Variants in USP7 observed in about 807,000 individuals in gnomAD.
USP7 encodes ubiquitin specific peptidase 7, also known as ubiquitin C-terminal hydrolase 7.
A neutral mutation model predicts 162.9 loss-of-function variants in USP7; 9 were observed. The observed-to-expected ratio is 0.06, with a 90% CI of 0.03 to 0.10. The LOEUF (loss-of-function observed/expected upper bound fraction) is 0.10, where lower values mean the gene tolerates loss of function less well. USP7 is among the 10% of genes least tolerant of loss of function. The pLI is 1.00. For missense variants in USP7, 715 were observed against 1,373.7 expected, an observed-to-expected ratio of 0.52 and a Z score of 7.58; for synonymous variants, 562 against 475.9, an observed-to-expected ratio of 1.18 and a Z score of -2.35.
chr16:8,946,888 A>T (rs976386793), intron 1 of USP7, among the ~76,000 whole-genome samples: 64 of 152,386 alleles, frequency 4.2e-4, no homozygotes, highest in African/African-American at 1.5e-3. Context: ...ATCAACATTT[A>T]GCAGACCTGT....
chr16:8,925,770 A>C (rs1404137375), intron 2 of USP7, among the ~76,000 whole-genome samples: 1 of 152,212 alleles, frequency 6.6e-6, no homozygotes, highest in Non-Finnish European at 1.5e-5. Context: ...AGACTTATCA[A>C]ATCTGCAAGC....
chr16:8,903,889 GAAAAA>G (rs998396726), intron 15 of USP7, among the ~76,000 whole-genome samples: 2 of 149,578 alleles, frequency 1.3e-5, no homozygotes, highest in Admixed American at 1.3e-4. Flanking sequence ...AAAAGGAAAA[GAAAAA>G]AGAAAAGGAG....
chr16:8,941,679 T>C (rs918512670), intron 1 of USP7, among the ~76,000 whole-genome samples: 1 of 152,090 alleles, frequency 6.6e-6, no homozygotes, highest in Non-Finnish European at 1.5e-5. Context: ...CCAGGCCGTG[T>C]TGGTGTGGTG....
chr16:8,903,001 G>T (rs979548650), intron 16 of USP7, among the ~76,000 whole-genome samples: 1 of 152,234 alleles, frequency 6.6e-6, no homozygotes, highest in East Asian at 1.9e-4. Flanking sequence ...AGAGGGGGTA[G>T]GGGTGCAGGG....
intron 13 of USP7, among the ~76,000 whole-genome samples, 191 bp from the exon 14 acceptor site, chr16:8,905,522 A>C (rs150494889): frequency 7.4e-4 from 112 of 152,370 alleles, no homozygotes; most frequent in Middle Eastern, 6.9e-3. Context: ...GCATCCGCTC[A>C]TACAATTCAC....
At chr16:8,951,883 A>G (rs1381406641) in intron 1 of USP7, among the ~76,000 whole-genome samples, 1 of 152,216 alleles carries the variant, frequency 6.6e-6, no homozygotes, top group Non-Finnish European at 1.5e-5. Context: ...ATCTCTTTTT[A>G]TGCCACCAAA....
chr16:8,904,409 G>C lies in USP7; in HGVS notation c.1704+26C>G, dbSNP rs201458798. Reference sequence around the variant, plus strand: ...TGGGTGCCCGGCTGCATGGTGACCCGGAGTCCCAGAAGGGCGGGGGCTGAC... The same window carrying C: ...TGGGTGCCCGGCTGCATGGTGACCCCGAGTCCCAGAAGGGCGGGGGCTGAC... On this transcript the variant is annotated intron_variant, in intron 15 of 30. Transcript: ENST00000344836. 4.3e-6 allele frequency: 7 copies of C among 1,611,384 alleles called. No individual in the cohort carries two copies. In the African/African-American group the frequency reaches 8.0e-5, roughly 18 times the overall value.
chr16:8,959,372 G>C (rs62031322), intron 1 of USP7, among the ~76,000 whole-genome samples: 1 of 148,924 alleles, frequency 6.7e-6, no homozygotes, highest in Non-Finnish European at 1.5e-5. Flanking sequence ...AAAAAAAAAG[G>C]ATACCTTCTT....
intron 1 of USP7, among the ~76,000 whole-genome samples, chr16:8,953,451 G>T (rs549763293): frequency 1.3e-5 from 2 of 152,182 alleles, no homozygotes; most frequent in Non-Finnish European, 1.5e-5. Context: ...TCTGAGGTAC[G>T]ATCCAAGGGG....
At chr16:8,902,321 T>C in intron 17 of USP7, 60 bp downstream of exon 17, 1 of 1,589,882 alleles carries the variant, frequency 6.3e-7, no homozygotes, top group South Asian at 1.1e-5. Flanking sequence ...CTGCACTAAG[T>C]GCAGAGGACT....
chr16:8,931,847 A>G (rs935077783), intron 1 of USP7, among the ~76,000 whole-genome samples: 6 of 152,208 alleles, frequency 3.9e-5, no homozygotes, highest in Non-Finnish European at 8.8e-5. Context: ...AGAATAGCTC[A>G]CTGCAACTAA....
rs1416581882 is a variant in USP7, at chr16:8,963,846, G to C, written c.-561C>G. Among the ~76,000 whole-genome samples, 1 of 146,758 alleles carries C rather than the reference G, an allele frequency of 6.8e-6. No individual in the cohort carries two copies. The highest frequency in any genetic ancestry group is 1.5e-5 in the Non-Finnish European group (1 of 65,922). ...GCGTCGTCGTCGGGGCTCCGGCAGC[G>C]GACGCGGCGCCCGGCAGCTCGGCTC... is the stretch of plus-strand genomic sequence containing the variant. On this transcript the variant is annotated 5_prime_UTR_variant, in exon 1 of 31. Transcript: ENST00000344836.
At position 8,936,877 on chromosome 16, in the gene USP7, T is replaced by C. The variant is rs1596400778; in HGVS notation, c.80-6480A>G. The C allele has an allele frequency of 6.4e-6, 4 of 627,482 alleles. No individual in the cohort carries two copies. The South Asian group carries it at 1.1e-4, about 18-fold the overall frequency. The allele number at this position is 627,482 out of a possible 1,614,324, so 38.9% of individuals were successfully genotyped here. A position where few individuals can be genotyped will look rare whatever the true frequency, so the allele number is the denominator to read the frequency against. On this transcript the variant is annotated intron_variant, in intron 1 of 30. Transcript: ENST00000344836. ...CTGACTTTGGTTAACAACATACCAA[T>C]GCCAGTTCCTTGGCTGTGACAAATC... is the stretch of plus-strand genomic sequence containing the variant.
chr16:8,918,278 G>A (rs1897488938), intron 6 of USP7, among the ~76,000 whole-genome samples: 1 of 152,176 alleles, frequency 6.6e-6, no homozygotes, highest in South Asian at 2.1e-4. Context: ...ACAACCAGGA[G>A]TGCCGATTTC....
rs190125712 is a variant in USP7, at chr16:8,938,528, C to G, written c.80-8131G>C. 3.3e-5 allele frequency among the ~76,000 whole-genome samples: 5 copies of G among 151,884 alleles called. No homozygotes were observed. The South Asian group carries it at 1.0e-3, about 32-fold the overall frequency. ...GAGATCGAGACCATCCTGGCTAACA[C>G]GGTGAAACGCCGTCTCTACTGAAAA... On this transcript the variant is annotated intron_variant, in intron 1 of 30. Coordinates refer to ENST00000344836, the MANE Select transcript of USP7 (RefSeq NM_003470.3).
chr16:8,963,162 G>T (rs1421253210), intron 1 of USP7, 45 bp downstream of exon 1: 23 of 1,379,916 alleles, frequency 1.7e-5, no homozygotes, highest in Non-Finnish European at 1.9e-5. Flanking sequence ...CGGCCACAAT[G>T]AAAGGCGCCC....
rs552066782 is a variant in USP7 at position 8,938,349 on chromosome 16, A to G, written c.80-7952T>C. ...AAGAAATAACACAGTCAAAAAAAAA[A>G]AAAGAAAGAAAGAAAGAAATAATAC... is the stretch of plus-strand genomic sequence containing the variant. On this transcript the variant is annotated intron_variant, in intron 1 of 30. Coordinates refer to ENST00000344836, the MANE Select transcript of USP7 (RefSeq NM_003470.3). Among the ~76,000 whole-genome samples, 22 of 151,972 alleles carry G rather than the reference A, an allele frequency of 1.4e-4. No homozygotes were observed. The East Asian group carries it at 1.5e-3, about 11-fold the overall frequency.
intron 11 of USP7, 44 bp downstream of exon 11, chr16:8,910,701 G>T: frequency 6.5e-7 from 1 of 1,544,362 alleles, no homozygotes; most frequent in Non-Finnish European, 8.8e-7. Flanking sequence ...TGAAAATAAA[G>T]AAGAACGCTA....
At chr16:8,962,081 C>G (rs1900037673) in intron 1 of USP7, among the ~76,000 whole-genome samples, 1 of 152,184 alleles carries the variant, frequency 6.6e-6, no homozygotes, top group Non-Finnish European at 1.5e-5. Context: ...TTCCCACCAA[C>G]CGGTGTGCAG....
Sources: gnomAD v4.1 joint callset for allele counts (sites outside exome capture counted in the v4.1 genomes callset) on GRCh38, gnomAD v4.1.1 for gene constraint, MANE v1.5 for transcripts, NCBI Gene and HGNC (gene_info 2026-07-23, HGNC 2026-07-21) for gene names.